GSE1: variants seen among roughly 807,000 people sequenced by gnomAD.
GSE1 encodes genetic suppressor element 1.
In GSE1, 32 loss-of-function variants were observed where a neutral mutation model predicts 112.6. The observed-to-expected ratio is 0.28, with a 90% CI of 0.21 to 0.38. The LOEUF (loss-of-function observed/expected upper bound fraction) is 0.38. Among genes scored for constraint, GSE1 ranks in the 10% least tolerant of loss-of-function variants. The pLI, the probability that GSE1 is intolerant of heterozygous loss-of-function variation, is 1.00. For missense variants in GSE1, 2,348 were observed against 1,699.2 expected, an observed-to-expected ratio of 1.38 and a Z score of -6.71; for synonymous variants, 1,115 against 735.6, an observed-to-expected ratio of 1.52 and a Z score of -8.35.
intron 2 of GSE1, among the ~76,000 whole-genome samples, chr16:85,639,684 C>T (rs1031294750): frequency 3.9e-5 from 6 of 152,372 alleles, no homozygotes; most frequent in African/African-American, 1.4e-4. Context: ...CTGAGCCAGG[C>T]TGGGGTGTGA....
At chr16:85,198,898 C>G (rs2074977495) in intron 1 of GSE1, among the ~76,000 whole-genome samples, 1 of 152,066 alleles carries the variant, frequency 6.6e-6, no homozygotes, top group Non-Finnish European at 1.5e-5. Context: ...CCCACCTCAG[C>G]CTCTGGAGTG....
rs561716520 is a variant in GSE1 at position 85,310,980 on chromosome 16, C to A, written c.2284-46483C>A. On this transcript the variant is annotated intron_variant, in intron 1 of 2. Coordinates refer to the GSE1 transcript ENST00000637419. ...CCCGCCGCTCCGCATCCTTCAGCAA[C>A]CGGCAGGCAGGAGCAGTTTGAGGCT... 2.0e-5 allele frequency among the ~76,000 whole-genome samples: 3 copies of A among 152,386 alleles called. No individual in the cohort carries two copies. In the South Asian group the frequency reaches 6.2e-4, roughly 32 times the overall value.
In GSE1 at chr16:85,671,007, A is replaced by C. The variant is rs1330365658; in HGVS notation, c.3428A>C (p.Glu1143Ala). The change falls in exon 15 of 16, where the codon GAG becomes GCG. Residue 1143 changes from glutamate to alanine, a missense_variant. Glu to Ala is a moderately radical substitution (Grantham distance 107). Transcript: ENST00000253458. ...YQEHIEEQNL[E>A]RQVLQTQCRR... ...CCTGTCTTTTCAGAGCAAAATCTGGAGCGGCAGGTGTTACAGACACAATGT... is the reference window on the plus strand; with the variant it reads ...CCTGTCTTTTCAGAGCAAAATCTGGCGCGGCAGGTGTTACAGACACAATGT... 6.2e-7 allele frequency: 1 copy of C among 1,608,242 alleles called. No individual in the cohort carries two copies. Among genetic ancestry groups the C allele is most frequent in the Non-Finnish European group, 8.5e-7 (1 of 1,174,926 alleles).
intron 2 of GSE1, among the ~76,000 whole-genome samples, chr16:85,443,000 C>T (rs991387266): frequency 6.6e-6 from 1 of 152,228 alleles, no homozygotes; most frequent in Non-Finnish European, 1.5e-5. Flanking sequence ...TGGCGTCCTC[C>T]CTGTGAGCTC....
At chr16:85,589,709 G>A (rs2046889191) in intron 1 of GSE1, among the ~76,000 whole-genome samples, 1 of 152,222 alleles carries the variant, frequency 6.6e-6, no homozygotes, top group Non-Finnish European at 1.5e-5. Context: ...TTGTGTGTGT[G>A]TGAACGTGTG....
At chr16:85,195,182 G>A (rs7200014) in intron 1 of GSE1, among the ~76,000 whole-genome samples, 91,191 of 152,038 alleles carry the variant, frequency 0.6, 27,977 homozygotes, top group African/African-American at 0.73. Context: ...TATTTTTAAT[G>A]TAAGATTTAA....
chr16:85,641,214 C>A (rs1247971009), intron 2 of GSE1, among the ~76,000 whole-genome samples: 1 of 152,276 alleles, frequency 6.6e-6, no homozygotes, highest in African/African-American at 2.4e-5. Context: ...CCTCAGGGTA[C>A]CTGTCTCAGC....
intron 1 of GSE1, among the ~76,000 whole-genome samples, chr16:85,602,194 G>T: frequency 6.6e-6 from 1 of 152,180 alleles, no homozygotes. Flanking sequence ...TGCTGCCAGG[G>T]CCGGGTTAGC....
In GSE1 at chr16:85,408,454, G is replaced by GC. The variant is rs72381025; in HGVS notation, c.2464+50811_2464+50812insC. ...GATAATCCTCACTGTTACACTCAGG[G>GC]ACCCCTGGATAATCCTCACTGTTAC... On this transcript the variant is annotated intron_variant, in intron 2 of 2. Coordinates refer to the GSE1 transcript ENST00000637419. Among the ~76,000 whole-genome samples, 227 of 41,132 alleles carry GC rather than the reference G, an allele frequency of 5.5e-3. 76 individuals are homozygous for GC. The highest frequency in any genetic ancestry group is 0.028 in the African/African-American group (170 of 6,130). The allele number at this position is 41,132 out of a possible 152,430, so 27.0% of individuals were successfully genotyped here.
rs376076776 is a variant in GSE1, at chr16:85,657,311, G to A, written c.1347G>A (p.Lys449=). Residue 449 remains lysine, a synonymous_variant, in exon 8 of 16, where the codon AAG becomes AAA. Transcript: ENST00000253458. ...KLKDAGLQAP[K]PVQHPLHPVP... ...AGGATGCCGGCCTGCAGGCGCCCAA[G>A]CCCGTCCAACACCCCTTGCATCCGG... 1.4e-5 allele frequency: 22 copies of A among 1,591,966 alleles called. No individual in the cohort carries two copies. Among genetic ancestry groups the A allele is most frequent in the Non-Finnish European group, 1.8e-5 (21 of 1,169,732 alleles).
chr16:85,195,500 G>T (rs1446210711), intron 1 of GSE1, among the ~76,000 whole-genome samples: 4 of 152,220 alleles, frequency 2.6e-5, no homozygotes, highest in Non-Finnish European at 5.9e-5. Flanking sequence ...GCAGGGGATG[G>T]ACTTGGATGC....
At chr16:85,596,263 C>G (rs1313823868) in intron 1 of GSE1, among the ~76,000 whole-genome samples, 2 of 152,186 alleles carry the variant, frequency 1.3e-5, no homozygotes, top group Non-Finnish European at 2.9e-5. Flanking sequence ...GGGCCTGGCC[C>G]ACCTTAGCTG....
intron 1 of GSE1, among the ~76,000 whole-genome samples, chr16:85,184,867 G>A (rs1168143175): frequency 6.6e-6 from 1 of 152,192 alleles, no homozygotes; most frequent in African/African-American, 2.4e-5. Flanking sequence ...TTGAAGAAGG[G>A]ACCACAAGCT....
intron 2 of GSE1, among the ~76,000 whole-genome samples, chr16:85,644,534 A>G (rs1477982906): frequency 6.6e-6 from 1 of 152,158 alleles, no homozygotes; most frequent in African/African-American, 2.4e-5. Flanking sequence ...AACCGTGAAG[A>G]CACGGCTCCC....
intron 1 of GSE1, among the ~76,000 whole-genome samples, chr16:85,308,893 G>A (rs975019449): frequency 2.7e-5 from 4 of 147,474 alleles, no homozygotes; most frequent in East Asian, 4.0e-4. Flanking sequence ...CTCGGATGAC[G>A]TGACAGCGAC....
intron 1 of GSE1, among the ~76,000 whole-genome samples, chr16:85,314,012 AGTGT>A (rs1434963256): frequency 4.0e-5 from 6 of 149,912 alleles, no homozygotes; most frequent in Admixed American, 2.0e-4. Context: ...GATACAGCCT[AGTGT>A]GTGTATAAGA....
At chr16:85,391,255 A>G (rs1158684394) in intron 2 of GSE1, among the ~76,000 whole-genome samples, 2 of 152,254 alleles carry the variant, frequency 1.3e-5, no homozygotes, top group Admixed American at 6.5e-5. Flanking sequence ...TCGGGCATTA[A>G]TGCATGTCCC....
At chr16:85,525,699 G>A (rs2052344660) in intron 2 of GSE1, among the ~76,000 whole-genome samples, 1 of 152,220 alleles carries the variant, frequency 6.6e-6, no homozygotes, top group South Asian at 2.1e-4. Context: ...TTAGACCATG[G>A]ACTTTGCCAT....
At chr16:85,507,202 C>T (rs2051565165) in intron 2 of GSE1, among the ~76,000 whole-genome samples, 1 of 152,240 alleles carries the variant, frequency 6.6e-6, no homozygotes, top group South Asian at 2.1e-4. Flanking sequence ...ATGTATTCAT[C>T]TAGATTTGTG....
Sources: allele counts gnomAD v4.1 joint callset (sites outside exome capture counted in the v4.1 genomes callset), GRCh38; gene constraint gnomAD v4.1.1; transcripts MANE v1.5; gene names NCBI Gene and HGNC (gene_info 2026-07-23, HGNC 2026-07-21).